Variants in RABEP1 observed in about 807,000 individuals in gnomAD.
RABEP1 encodes the protein rab GTPase-binding effector protein 1.
Under a neutral mutation model 123.4 loss-of-function variants are expected in RABEP1, and 51 were observed. The observed-to-expected ratio is 0.41, with a 90% CI of 0.33 to 0.52. The LOEUF is 0.52. Among genes scored for constraint, RABEP1 ranks in the 20% least tolerant of loss-of-function variants. The pLI is 0.16. For synonymous variants in RABEP1, 347 were observed against 355.2 expected (o/e 0.98, Z 0.26); for missense variants, 888 against 996.3 (o/e 0.89, Z 1.46).
At chr17:5,381,829 A>G (rs1199127955) in intron 17 of RABEP1, 13 of 193,762 alleles carry the variant, frequency 6.7e-5, no homozygotes, top group Admixed American at 2.9e-4. Flanking sequence ...TACATGTTTA[A>G]CTGCTTGTGG....
chr17:5,341,773 A>T (rs1215710335), intron 5 of RABEP1, among the ~76,000 whole-genome samples: 1 of 152,268 alleles, frequency 6.6e-6, no homozygotes, highest in African/African-American at 2.4e-5. Context: ...CCAGAAATTT[A>T]TCGGAAAATC....
In RABEP1 at chr17:5,308,731, T is replaced by C; in HGVS notation, c.72T>C (p.Ile24=). 6.2e-7 allele frequency: 1 copy of C among 1,612,802 alleles called. No individual in the cohort carries two copies. The stretch of plus-strand genomic sequence containing the variant: ...AACGGGTAGCAGAATTGGAAAAAAT[T>C]AATGCAGAATTTTTACGTGCACAAC... ...LQQRVAELEK[I]NAEFLRAQQQ... Residue 24 remains isoleucine (I), a synonymous_variant, in exon 2 of 18, where the codon ATT becomes ATC. Transcript: ENST00000537505.
intron 2 of RABEP1, among the ~76,000 whole-genome samples, chr17:5,318,640 ATCTC>A (rs2144556444): frequency 6.6e-6 from 1 of 152,278 alleles, no homozygotes; most frequent in East Asian, 1.9e-4. Context: ...AGTTATACGA[ATCTC>A]TCTGAGTCTC....
chr17:5,283,726 A>C (rs2074950944), intron 1 of RABEP1, among the ~76,000 whole-genome samples: 1 of 152,124 alleles, frequency 6.6e-6, no homozygotes, highest in South Asian at 2.1e-4. Context: ...GGGGAACTTG[A>C]AACCATGTTA....
chr17:5,329,418 C>G (rs1298668030), intron 2 of RABEP1, among the ~76,000 whole-genome samples: 2 of 152,196 alleles, frequency 1.3e-5, no homozygotes, highest in African/African-American at 2.4e-5. Context: ...GTAATCCCAG[C>G]TACTTGGGAG....
chr17:5,287,282 C>T (rs2074987927), intron 1 of RABEP1, among the ~76,000 whole-genome samples: 1 of 152,112 alleles, frequency 6.6e-6, no homozygotes, highest in African/African-American at 2.4e-5. Context: ...GCTGGGATTA[C>T]AGGCGAGGTG....
At chr17:5,299,799 G>A (rs28394197) in intron 1 of RABEP1, among the ~76,000 whole-genome samples, 3,257 of 136,982 alleles carry the variant, frequency 0.024, 127 homozygotes, top group African/African-American at 0.084. Flanking sequence ...GCGTGATCTC[G>A]GCTCACTGCA....
intron 13 of RABEP1, among the ~76,000 whole-genome samples, chr17:5,376,018 G>GT: frequency 6.6e-6 from 1 of 152,206 alleles, no homozygotes; most frequent in Admixed American, 6.5e-5. Flanking sequence ...GACTACAGGT[G>GT]TGTGCCACCA....
intron 12 of RABEP1, among the ~76,000 whole-genome samples, chr17:5,371,030 G>A (rs549641747): frequency 6.6e-6 from 1 of 151,508 alleles, no homozygotes; most frequent in Non-Finnish European, 1.5e-5. Flanking sequence ...GCAGTGGCGC[G>A]ATCTCGGCTC....
At chr17:5,317,125 C>T (rs2075306103) in intron 2 of RABEP1, among the ~76,000 whole-genome samples, 1 of 151,974 alleles carries the variant, frequency 6.6e-6, no homozygotes, top group Non-Finnish European at 1.5e-5. Flanking sequence ...TTATCCTGAC[C>T]TCAAAACCAA....
At chr17:5,377,343 C>A in intron 14 of RABEP1, 38 bp downstream of exon 14, 1 of 1,502,318 alleles carries the variant, frequency 6.7e-7, no homozygotes, top group South Asian at 1.3e-5. Flanking sequence ...ATTAGAGTCA[C>A]TAAATAAAAC....
Position 5,376,178 on chromosome 17 carries a change from G to A in RABEP1, c.2026-938G>A, listed in dbSNP as rs372057564. 8.5e-5 allele frequency among the ~76,000 whole-genome samples: 13 copies of A among 152,194 alleles called. No homozygotes were observed. The East Asian group carries it at 1.5e-3, about 18-fold the overall frequency. On this transcript the variant is annotated intron_variant, in intron 13 of 17. Coordinates refer to ENST00000537505, the MANE Select transcript of RABEP1 (RefSeq NM_004703.6). ...TTAAAATGTTCCAAGAATCCAGGCC[G>A]GGCACAGTGGCACTTGCCTGTAATC...
intron 5 of RABEP1, among the ~76,000 whole-genome samples, chr17:5,346,453 C>T (rs544046485): frequency 6.6e-6 from 1 of 152,220 alleles, no homozygotes; most frequent in East Asian, 1.9e-4. Flanking sequence ...GCAAAACATA[C>T]CTGGTGTTAC....
At chr17:5,361,983 G>A (rs1364848115) in intron 9 of RABEP1, 1 of 274,718 alleles carries the variant, frequency 3.6e-6, no homozygotes. Flanking sequence ...GAGCAACCTG[G>A]ATTTGGTTTG....
At chr17:5,311,166 C>A (rs1272267393) in intron 2 of RABEP1, among the ~76,000 whole-genome samples, 1 of 152,072 alleles carries the variant, frequency 6.6e-6, no homozygotes. Context: ...TACTGGCTTC[C>A]CCCCTCAGAG....
intron 1 of RABEP1, among the ~76,000 whole-genome samples, chr17:5,295,634 G>A (rs1035776916): frequency 2.6e-5 from 4 of 152,046 alleles, no homozygotes; most frequent in African/African-American, 9.7e-5. Context: ...ATACATTTAA[G>A]TTTTTATATG....
At position 5,380,467 on chromosome 17, in the gene RABEP1, T is replaced by A; in HGVS notation, c.2370+5T>A. ...AAGAAAGAGACTGCTGCTAAGGTAG[T>A]GTTTTCATTAGTCATTTAATTTTAA... On this transcript the variant is annotated splice_donor_5th_base_variant and intron_variant, in intron 16 of 17. Transcript: ENST00000537505. 6.6e-7 allele frequency: 1 copy of A among 1,519,056 alleles called. No homozygotes were observed. Among genetic ancestry groups the A allele is most frequent in the Non-Finnish European group, 9.0e-7 (1 of 1,116,240 alleles). 94.1% of individuals were successfully genotyped at this position (1,519,056 alleles called of 1,614,324 possible).
chr17:5,330,824 A>G (rs1906461160), intron 2 of RABEP1, among the ~76,000 whole-genome samples: 1 of 151,988 alleles, frequency 6.6e-6, no homozygotes, highest in African/African-American at 2.4e-5. Flanking sequence ...GGAGGCCAAG[A>G]CCAGCCTGGG....
In RABEP1 at chr17:5,380,351, TC is replaced by T; in HGVS notation, c.2272-11del. The T allele has an allele frequency of 6.5e-7, 1 of 1,527,396 alleles. No individual in the cohort carries two copies. Among genetic ancestry groups the T allele is most frequent in the Non-Finnish European group, 8.9e-7 (1 of 1,127,132 alleles). The allele number at this position is 1,527,396 out of a possible 1,614,324, so 94.6% of individuals were successfully genotyped here. A position where few individuals can be genotyped will look rare whatever the true frequency, so the allele number is the denominator to read the frequency against. ...GGAGTTTCTGTGAGTTTCAGCTTTTTCCTTTTTCACAGTTGGAGTCCACATT... is the reference window on the plus strand; with the variant it reads ...GGAGTTTCTGTGAGTTTCAGCTTTTTCTTTTTCACAGTTGGAGTCCACATT... On this transcript the variant is annotated splice_polypyrimidine_tract_variant and intron_variant, in intron 15 of 17. Coordinates refer to ENST00000537505, the MANE Select transcript of RABEP1 (RefSeq NM_004703.6).
Sources: allele counts gnomAD v4.1 joint callset (sites outside exome capture counted in the v4.1 genomes callset), GRCh38; gene constraint gnomAD v4.1.1; transcripts MANE v1.5; gene names NCBI Gene and HGNC (gene_info 2026-07-23, HGNC 2026-07-21).